Variants in NRXN3 observed in about 807,000 individuals in gnomAD.
NRXN3 encodes neurexin III.
Under a neutral mutation model 137.6 loss-of-function variants are expected in NRXN3, and 32 were observed. The observed-to-expected ratio is 0.23, with a 90% CI of 0.18 to 0.31. The LOEUF (loss-of-function observed/expected upper bound fraction) is 0.31. Ranked by LOEUF, NRXN3 falls within the 10% of genes least tolerant of loss-of-function variation. The pLI is 1.00. For synonymous variants in NRXN3, 798 were observed against 784.5 expected (o/e 1.02, Z -0.29); for missense variants, 1,574 against 2,062.5 (o/e 0.76, Z 4.59).
chr14:78,350,886 T>C (rs2083389916), intron 4 of NRXN3, among the ~76,000 whole-genome samples: 1 of 152,138 alleles, frequency 6.6e-6, no homozygotes, highest in East Asian at 1.9e-4. Flanking sequence ...ATCTGGAGAA[T>C]AATACAAACC....
intron 20 of NRXN3, among the ~76,000 whole-genome samples, chr14:79,832,780 G>T (rs891562768): frequency 1.4e-4 from 21 of 151,978 alleles, no homozygotes; most frequent in African/African-American, 5.1e-4. Flanking sequence ...AACATAAATT[G>T]CCCTTCTATG....
intron 4 of NRXN3, among the ~76,000 whole-genome samples, chr14:78,620,332 G>C (rs1035808069): frequency 6.6e-6 from 1 of 152,194 alleles, no homozygotes; most frequent in African/African-American, 2.4e-5. Flanking sequence ...GCAATCCTTA[G>C]CTGCATGCAG....
At chr14:79,126,700 T>C (rs2056555534) in intron 15 of NRXN3, among the ~76,000 whole-genome samples, 1 of 151,914 alleles carries the variant, frequency 6.6e-6, no homozygotes, top group Non-Finnish European at 1.5e-5. Flanking sequence ...AGTAATGGGA[T>C]GGCTGGGTCA....
chr14:79,273,278 T>A (rs1017975757), intron 15 of NRXN3, among the ~76,000 whole-genome samples: 1 of 151,816 alleles, frequency 6.6e-6, no homozygotes, highest in Admixed American at 6.6e-5. Context: ...TCTTGTTTAG[T>A]CTTTTAAACT....
intron 20 of NRXN3, among the ~76,000 whole-genome samples, chr14:79,847,388 T>C (rs2099380639): frequency 6.6e-6 from 1 of 152,210 alleles, no homozygotes; most frequent in Non-Finnish European, 1.5e-5. Context: ...AAAGGTCTTA[T>C]TTTGATGTCT....
chr14:78,634,944 A>T (rs1043242692), intron 4 of NRXN3, among the ~76,000 whole-genome samples: 3 of 152,172 alleles, frequency 2.0e-5, no homozygotes, highest in African/African-American at 7.2e-5. Flanking sequence ...GGACATGTTA[A>T]GTAAAATTCT....
At chr14:79,340,707 G>A (rs1464973490) in intron 15 of NRXN3, among the ~76,000 whole-genome samples, 6 of 152,210 alleles carry the variant, frequency 3.9e-5, no homozygotes, top group South Asian at 4.1e-4. Flanking sequence ...CAGGTGATCC[G>A]CCCACCTCGG....
At chr14:79,172,996 T>C (rs1189970171) in intron 15 of NRXN3, among the ~76,000 whole-genome samples, 1 of 152,110 alleles carries the variant, frequency 6.6e-6, no homozygotes, top group Non-Finnish European at 1.5e-5. Flanking sequence ...TTTTGGCAAA[T>C]GGTAGAAAGA....
At chr14:79,649,981 C>T (rs1567774450) in intron 16 of NRXN3, among the ~76,000 whole-genome samples, 1 of 152,128 alleles carries the variant, frequency 6.6e-6, no homozygotes, top group Non-Finnish European at 1.5e-5. Context: ...GACAGATGGC[C>T]ACCTTCTTGC....
chr14:79,843,430 G>T (rs2099360347), intron 20 of NRXN3, among the ~76,000 whole-genome samples: 1 of 152,192 alleles, frequency 6.6e-6, no homozygotes, highest in Non-Finnish European at 1.5e-5. Context: ...TGACAGATCA[G>T]GATGTGGGTG....
chr14:78,648,638 T>C (rs2097709636), intron 5 of NRXN3, among the ~76,000 whole-genome samples: 1 of 152,222 alleles, frequency 6.6e-6, no homozygotes, highest in African/African-American at 2.4e-5. Context: ...TATGGAAACC[T>C]AGAGTACACT....
intron 14 of NRXN3, among the ~76,000 whole-genome samples, chr14:78,975,962 G>C (rs1441269299): frequency 2.0e-5 from 3 of 152,194 alleles, no homozygotes. Flanking sequence ...CCACGGGAGG[G>C]AGGTTGCCTT....
intron 16 of NRXN3, among the ~76,000 whole-genome samples, chr14:79,539,259 C>G (rs2097248955): frequency 6.6e-6 from 1 of 152,056 alleles, no homozygotes; most frequent in Non-Finnish European, 1.5e-5. Flanking sequence ...GTCTTGAACT[C>G]CTGACCTCAA....
At chr14:78,477,739 A>G (rs1419238416) in intron 4 of NRXN3, among the ~76,000 whole-genome samples, 1 of 152,204 alleles carries the variant, frequency 6.6e-6, no homozygotes, top group African/African-American at 2.4e-5. Flanking sequence ...CTTAAATCCT[A>G]CTATTAATTA....
At chr14:78,318,665 T>G (rs1294504582) in intron 4 of NRXN3, among the ~76,000 whole-genome samples, 1 of 152,178 alleles carries the variant, frequency 6.6e-6, no homozygotes, top group Non-Finnish European at 1.5e-5. Flanking sequence ...AGCTCTACCT[T>G]GACTTGTGGC....
chr14:78,928,821 A>G (rs1047560623), intron 10 of NRXN3, among the ~76,000 whole-genome samples: 1 of 152,164 alleles, frequency 6.6e-6, no homozygotes, highest in Non-Finnish European at 1.5e-5. Context: ...ATACCCAGTA[A>G]TGGGATTGCT....
intron 15 of NRXN3, among the ~76,000 whole-genome samples, chr14:79,224,823 C>T (rs2070518240): frequency 1.3e-5 from 2 of 152,118 alleles, no homozygotes; most frequent in South Asian, 2.1e-4. Flanking sequence ...GGAATTACTC[C>T]GTAGGAAGGC....
At chr14:78,535,139 GA>G (rs36069023) in intron 4 of NRXN3, among the ~76,000 whole-genome samples, 5,825 of 131,876 alleles carry the variant, frequency 0.044, 270 homozygotes, top group African/African-American at 0.13. Context: ...TCTTTTAATT[GA>G]AAAAAAAAAA....
rs145555068 is a variant in NRXN3 at position 78,382,748 on chromosome 14, A to G, written c.757+84888A>G. Among the ~76,000 whole-genome samples, 1,192 of 152,250 alleles carry G rather than the reference A, an allele frequency of 7.8e-3. 12 individuals carry two copies. Among genetic ancestry groups the G allele is most frequent in the African/African-American group, 0.027 (1,110 of 41,546 alleles). On this transcript the variant is annotated intron_variant, in intron 4 of 20. Transcript: ENST00000335750. The stretch of plus-strand genomic sequence containing the variant: ...GAAGCTTGGCTCTGAACAGGCCCCT[A>G]TTCCCTCTCCTTGTTTCCAATTTGT...
Sources: allele counts gnomAD v4.1 joint callset (sites outside exome capture counted in the v4.1 genomes callset), GRCh38; gene constraint gnomAD v4.1.1; transcripts MANE v1.5; gene names NCBI Gene and HGNC (gene_info 2026-07-23, HGNC 2026-07-21).